The following GPAT3 variants were observed in gnomAD, a reference collection of about 807,000 sequenced individuals.
GPAT3 encodes 1-AGP acyltransferase 9.
A neutral mutation model predicts 58.8 loss-of-function variants in GPAT3; 53 were observed. That is an observed-to-expected ratio of 0.90 (90% CI 0.72 to 1.13). The LOEUF is 1.13. Ranked by LOEUF, GPAT3 falls within the 50% of genes most tolerant of loss-of-function variation. GPAT3 has a pLI of 0.00. For missense variants in GPAT3, 511 were observed against 527.6 expected (o/e 0.97, Z 0.31); for synonymous variants, 197 against 187.4 (o/e 1.05, Z -0.42).
At chr4:83,581,898 A>T in intron 3 of GPAT3, 66 bp downstream of exon 3, 1 of 1,543,116 alleles carries the variant, frequency 6.5e-7, no homozygotes, top group Non-Finnish European at 8.7e-7. Context: ...TCATGTACAT[A>T]ATGGCCACGT....
intron 2 of GPAT3, among the ~76,000 whole-genome samples, chr4:83,557,233 G>C (rs925815606): frequency 1.3e-5 from 2 of 152,120 alleles, no homozygotes; most frequent in African/African-American, 4.8e-5. Context: ...AAAGGGGAGG[G>C]GTACAAATTA....
intron 3 of GPAT3, among the ~76,000 whole-genome samples, chr4:83,585,722 C>T (rs566517608): frequency 4.0e-5 from 6 of 151,872 alleles, no homozygotes; most frequent in African/African-American, 1.4e-4. Flanking sequence ...AAGCGGTTCT[C>T]GTTACAGGGA....
chr4:83,536,514 C>G lies in GPAT3; in HGVS notation c.-109C>G, dbSNP rs763177636. ...CTCTTCCCTTCGCAGAGGTGAGTGC[C>G]GGGCTCGGCGCTCTGCTCCTGGAGC... On this transcript the variant is annotated 5_prime_UTR_variant, in exon 1 of 12. Transcript: ENST00000264409. The G allele has an allele frequency of 4.0e-6, 6 of 1,511,022 alleles. No homozygotes were observed. The highest frequency in any genetic ancestry group is 2.5e-4 in the Middle Eastern group (1 of 4,034). The allele number at this position is 1,511,022 out of a possible 1,614,324, so 93.6% of individuals were successfully genotyped here.
At chr4:83,578,476 T>C (rs1725900684) in intron 2 of GPAT3, among the ~76,000 whole-genome samples, 1 of 152,234 alleles carries the variant, frequency 6.6e-6, no homozygotes, top group Non-Finnish European at 1.5e-5. Flanking sequence ...TGCAGATCTC[T>C]TCTCTCTTGG....
At chr4:83,569,519 G>T (rs812989) in intron 2 of GPAT3, among the ~76,000 whole-genome samples, 151,681 of 152,380 alleles carry the variant, frequency 1, 75,493 homozygotes, top group East Asian at 1. Flanking sequence ...AAATCAAGGG[G>T]GATTATCCTT....
At chr4:83,579,081 C>CCTTTCCTTCCTTCCTTCCTTCCTT (rs1560621462) in intron 2 of GPAT3, among the ~76,000 whole-genome samples, 3 of 19,638 alleles carry the variant, frequency 1.5e-4, no homozygotes, top group African/African-American at 3.7e-4. Flanking sequence ...TTTCTTTCTT[C>CCTTTCCTTCCTTCCTTCCTTCCTT]CCTTCCTTCC....
chr4:83,574,820 T>C (rs993003547), intron 2 of GPAT3, among the ~76,000 whole-genome samples: 3 of 150,256 alleles, frequency 2.0e-5, no homozygotes, highest in African/African-American at 7.3e-5. Context: ...TATGTGTTTA[T>C]TTCTATGTAT....
chr4:83,555,809 T>C (rs11721920), intron 2 of GPAT3, among the ~76,000 whole-genome samples: 24,672 of 152,092 alleles, frequency 0.16, 2,275 homozygotes, highest in East Asian at 0.31. Flanking sequence ...ATTTGTGGAA[T>C]TTGACTCTAA....
intron 2 of GPAT3, among the ~76,000 whole-genome samples, chr4:83,555,921 A>G (rs2110078908): frequency 6.6e-6 from 1 of 152,334 alleles, no homozygotes; most frequent in East Asian, 1.9e-4. Context: ...CTGGGGTCAC[A>G]GGAGTGTTCT....
At chr4:83,575,769 G>T (rs1158777771) in intron 2 of GPAT3, among the ~76,000 whole-genome samples, 1 of 152,190 alleles carries the variant, frequency 6.6e-6, no homozygotes, top group Admixed American at 6.5e-5. Flanking sequence ...TAATATTAGA[G>T]CACTCATAGT....
chr4:83,546,579 A>G (rs554476518), intron 2 of GPAT3, among the ~76,000 whole-genome samples: 7 of 152,266 alleles, frequency 4.6e-5, no homozygotes, highest in African/African-American at 1.7e-4. Context: ...AGTAATGCTG[A>G]TACCCGCAAA....
intron 2 of GPAT3, among the ~76,000 whole-genome samples, chr4:83,573,559 T>C (rs1439647494): frequency 6.6e-6 from 1 of 152,230 alleles, no homozygotes; most frequent in Non-Finnish European, 1.5e-5. Context: ...CATTCCCCAA[T>C]GTATACATAC....
chr4:83,590,182 ATT>A lies in GPAT3; in HGVS notation c.645-16_645-15del, dbSNP rs1726542985. The A allele has an allele frequency of 6.2e-7, 1 of 1,606,476 alleles. No homozygotes were observed. Among genetic ancestry groups the A allele is most frequent in the African/African-American group, 1.3e-5 (1 of 74,612 alleles). On this transcript the variant is annotated splice_polypyrimidine_tract_variant and intron_variant, in intron 5 of 11. Coordinates refer to ENST00000264409, the MANE Select transcript of GPAT3 (RefSeq NM_032717.5). ...TATTTTAGAAGACTTCGAATTTTCC[ATT>A]GTTTGTAATTGCAGGCAGTACAGAC...
Position 83,597,042 on chromosome 4 carries a change from CTCTCTGAGTTATTAAT to C in GPAT3, c.910+132_910+147del. 3 of 745,336 alleles carry C rather than the reference CTCTCTGAGTTATTAAT, an allele frequency of 4.0e-6. No homozygotes were observed. In the East Asian group the frequency reaches 8.5e-5, roughly 21 times the overall value. The allele number at this position is 745,336 out of a possible 1,614,324, so 46.2% of individuals were successfully genotyped here. A position where few individuals can be genotyped will look rare whatever the true frequency, so the allele number is the denominator to read the frequency against. ...CTGCCCTTAGAGGAATGGGATGGCACTCTCTGAGTTATTAATTCCTTGCTTTCTTTTGAGACTTGAT... is the reference window on the plus strand; with the variant it reads ...CTGCCCTTAGAGGAATGGGATGGCACTCCTTGCTTTCTTTTGAGACTTGAT... On this transcript the variant is annotated intron_variant, in intron 8 of 11. Coordinates refer to ENST00000264409, the MANE Select transcript of GPAT3 (RefSeq NM_032717.5).
chr4:83,580,016 T>C (rs1726047443), intron 2 of GPAT3, among the ~76,000 whole-genome samples: 1 of 152,180 alleles, frequency 6.6e-6, no homozygotes, highest in Non-Finnish European at 1.5e-5. Flanking sequence ...AAAATATTTT[T>C]CTTTGTAGTC....
chr4:83,554,370 A>G (rs1186411236), intron 2 of GPAT3, among the ~76,000 whole-genome samples: 1 of 152,168 alleles, frequency 6.6e-6, no homozygotes, highest in Non-Finnish European at 1.5e-5. Context: ...TTGTCATTTT[A>G]GAAGTATTCC....
chr4:83,579,813 T>C (rs1283637683), intron 2 of GPAT3, among the ~76,000 whole-genome samples: 1 of 152,200 alleles, frequency 6.6e-6, no homozygotes. Context: ...TCCTTTCTCC[T>C]CTAGTGTAGT....
chr4:83,587,818 A>G (rs1378461605), intron 4 of GPAT3, among the ~76,000 whole-genome samples: 3 of 152,152 alleles, frequency 2.0e-5, no homozygotes, highest in South Asian at 2.1e-4. Flanking sequence ...ATACTTCCAT[A>G]TTAATTGAAA....
At chr4:83,561,786 CT>C (rs1249065439) in intron 2 of GPAT3, among the ~76,000 whole-genome samples, 1 of 150,500 alleles carries the variant, frequency 6.6e-6, no homozygotes, top group Admixed American at 6.6e-5. Context: ...AACTAATATC[CT>C]TTTTCCCCCC....
Sources: gnomAD v4.1 joint callset for allele counts (sites outside exome capture counted in the v4.1 genomes callset) on GRCh38, gnomAD v4.1.1 for gene constraint, MANE v1.5 for transcripts, NCBI Gene and HGNC (gene_info 2026-07-23, HGNC 2026-07-21) for gene names.